The following FBXL17 variants were observed in gnomAD, a reference collection of about 807,000 sequenced individuals.
FBXL17 encodes F-box/LRR-repeat protein 17.
FBXL17 carries 22 observed loss-of-function variants against 66.2 expected under a neutral mutation model. That is an observed-to-expected ratio of 0.33 (90% CI 0.24 to 0.47). The LOEUF (loss-of-function observed/expected upper bound fraction) is 0.47. Ranked by LOEUF, FBXL17 falls within the 20% of genes least tolerant of loss-of-function variation. FBXL17 has a pLI of 1.00. For missense variants in FBXL17, 878 were observed against 948.2 expected, an observed-to-expected ratio of 0.93 and a Z score of 0.97; for synonymous variants, 474 against 400.5, an observed-to-expected ratio of 1.18 and a Z score of -2.19.
At chr5:108,184,005 T>C (rs1361578257) in intron 6 of FBXL17, among the ~76,000 whole-genome samples, 1 of 152,144 alleles carries the variant, frequency 6.6e-6, no homozygotes, top group African/African-American at 2.4e-5. Flanking sequence ...AAGAGTGAAG[T>C]CAAGGCTATC....
At chr5:107,997,746 G>C (rs1190083422) in intron 7 of FBXL17, among the ~76,000 whole-genome samples, 1 of 152,142 alleles carries the variant, frequency 6.6e-6, no homozygotes, top group Non-Finnish European at 1.5e-5. Flanking sequence ...AAAAAGAAAG[G>C]AAAAGCCTCA....
intron 6 of FBXL17, among the ~76,000 whole-genome samples, chr5:108,035,010 A>G (rs1241721519): frequency 6.6e-6 from 1 of 152,180 alleles, no homozygotes; most frequent in Non-Finnish European, 1.5e-5. Context: ...TAAACATTAC[A>G]TAATTTTTTT....
At chr5:108,135,527 T>C (rs936396760) in intron 6 of FBXL17, among the ~76,000 whole-genome samples, 1 of 152,134 alleles carries the variant, frequency 6.6e-6, no homozygotes, top group Non-Finnish European at 1.5e-5. Context: ...TTATCTGTAG[T>C]GAAGTGAACA....
intron 7 of FBXL17, among the ~76,000 whole-genome samples, chr5:107,905,436 T>C (rs1262442018): frequency 6.6e-6 from 1 of 152,172 alleles, no homozygotes; most frequent in Non-Finnish European, 1.5e-5. Context: ...CTTTTTTTGT[T>C]GTTGTTGTTA....
At chr5:107,872,080 A>G (rs1449199244) in intron 8 of FBXL17, among the ~76,000 whole-genome samples, 1 of 152,238 alleles carries the variant, frequency 6.6e-6, no homozygotes, top group African/African-American at 2.4e-5. Context: ...CCCGTTTCCT[A>G]AGACAAATTT....
chr5:107,991,348 T>A (rs1753239316), intron 7 of FBXL17, among the ~76,000 whole-genome samples: 1 of 152,176 alleles, frequency 6.6e-6, no homozygotes. Context: ...CTCTTCGGTT[T>A]CACACCTAGG....
chr5:108,381,937 TTGGGGACGC>T lies in FBXL17; in HGVS notation c.-255_-247del, dbSNP rs1749998850. The stretch of plus-strand genomic sequence containing the variant: ...GCCGGGAGAACGATGGGCGCGAGCT[TTGGGGACGC>T]GAGGGAGGGAGCGAGCGAGCCTGCC... On this transcript the variant is annotated 5_prime_UTR_variant, in exon 1 of 9. Coordinates refer to ENST00000542267, the MANE Select transcript of FBXL17 (RefSeq NM_001163315.3). 8.0e-7 allele frequency: 1 copy of T among 1,247,068 alleles called. No homozygotes were observed. Among genetic ancestry groups the T allele is most frequent in the Non-Finnish European group, 1.0e-6 (1 of 994,652 alleles). The allele number at this position is 1,247,068 out of a possible 1,614,324, so 77.3% of individuals were successfully genotyped here. A position where few individuals can be genotyped will look rare whatever the true frequency, so the allele number is the denominator to read the frequency against.
In FBXL17 at chr5:108,019,874, A is replaced by T. The variant is rs139083075; in HGVS notation, c.1822+1051T>A. Among the ~76,000 whole-genome samples the T allele has an allele frequency of 2.2e-3, 333 of 152,116 alleles. 2 individuals carry two copies. Among genetic ancestry groups the T allele is most frequent in the African/African-American group, 7.8e-3 (323 of 41,566 alleles). On this transcript the variant is annotated intron_variant, in intron 7 of 8. Coordinates refer to ENST00000542267, the MANE Select transcript of FBXL17 (RefSeq NM_001163315.3). ...AATTAGGAAAAAACTCACAACCCAG[A>T]AACATTATAAGACATATTCTCCAAG...
chr5:107,865,278 T>C (rs563943495), intron 8 of FBXL17, among the ~76,000 whole-genome samples: 2 of 152,328 alleles, frequency 1.3e-5, no homozygotes, highest in Non-Finnish European at 2.9e-5. Context: ...AATATCTCTA[T>C]GTGATAACTG....
intron 4 of FBXL17, among the ~76,000 whole-genome samples, chr5:108,320,243 C>A (rs544988902): frequency 4.6e-5 from 7 of 151,624 alleles, no homozygotes; most frequent in African/African-American, 1.2e-4. Flanking sequence ...CATACAGACC[C>A]AAAGTGGCCT....
intron 8 of FBXL17, chr5:107,878,921 C>G: frequency 1.0e-6 from 1 of 985,480 alleles, no homozygotes; most frequent in Non-Finnish European, 1.2e-6. Context: ...CCAATGGGTT[C>G]TCAGAGTGGC....
rs1192243734 is a variant in FBXL17, at chr5:107,859,549, A to T, written c.*2171T>A. ...TTTTAGAGAATAAGTGCAAGTCCCC[A>T]CCCCACCCCCACCCCCCCAAGCTAA... On this transcript the variant is annotated 3_prime_UTR_variant, in exon 9 of 9. Transcript: ENST00000542267. The T allele has an allele frequency of 8.9e-6, 1 of 112,164 alleles. No individual in the cohort carries two copies. The highest frequency in any genetic ancestry group is 9.7e-5 in the Admixed American group (1 of 10,340). 6.9% of individuals were successfully genotyped at this position (112,164 alleles called of 1,614,324 possible). A position where few individuals can be genotyped will look rare whatever the true frequency, so the allele number is the denominator to read the frequency against.
chr5:108,021,088 G>A (rs1188939915), intron 6 of FBXL17, 87 bp from the exon 7 acceptor site: 8 of 892,194 alleles, frequency 9.0e-6, no homozygotes, highest in Non-Finnish European at 1.5e-5. Flanking sequence ...TCAGTATTTG[G>A]TGAATGCCAC....
At chr5:108,190,799 AAAC>A (rs1216248814) in intron 5 of FBXL17, among the ~76,000 whole-genome samples, 1 of 152,166 alleles carries the variant, frequency 6.6e-6, no homozygotes, top group Non-Finnish European at 1.5e-5. Context: ...CCATTTTTTT[AAAC>A]CACATTGTCT....
chr5:107,972,532 C>A (rs1752410552), intron 7 of FBXL17, among the ~76,000 whole-genome samples: 1 of 152,126 alleles, frequency 6.6e-6, no homozygotes. Flanking sequence ...AAGTTTCTTC[C>A]AATGTAAGAT....
intron 7 of FBXL17, among the ~76,000 whole-genome samples, chr5:108,005,899 T>C (rs2112725485): frequency 6.6e-6 from 1 of 152,302 alleles, no homozygotes; most frequent in South Asian, 2.1e-4. Context: ...CTTACCTCCT[T>C]ATACTTGAGC....
At chr5:108,272,268 G>A (rs1328998712) in intron 4 of FBXL17, among the ~76,000 whole-genome samples, 1 of 151,866 alleles carries the variant, frequency 6.6e-6, no homozygotes, top group East Asian at 1.9e-4. Context: ...TCCAACCTGG[G>A]CGACAGCAAG....
intron 5 of FBXL17, among the ~76,000 whole-genome samples, chr5:108,201,279 A>T (rs79797031): frequency 0.12 from 18,474 of 152,148 alleles, 1,361 homozygotes; most frequent in Admixed American, 0.16. Flanking sequence ...GATTCTTTGG[A>T]TTAGCTATGA....
At chr5:107,979,664 T>C (rs1248393572) in intron 7 of FBXL17, among the ~76,000 whole-genome samples, 1 of 152,166 alleles carries the variant, frequency 6.6e-6, no homozygotes, top group Non-Finnish European at 1.5e-5. Flanking sequence ...AAAAAGAGTA[T>C]GAATCTATTA....
Sources: gnomAD v4.1 joint callset for allele counts (sites outside exome capture counted in the v4.1 genomes callset) on GRCh38, gnomAD v4.1.1 for gene constraint, MANE v1.5 for transcripts, NCBI Gene and HGNC (gene_info 2026-07-23, HGNC 2026-07-21) for gene names.